The following LRP1B variants were observed in gnomAD, a reference collection of about 807,000 sequenced individuals.
The protein encoded by LRP1B is LDL receptor related protein 1B, also known as low-density lipoprotein receptor-related protein 1B.
LRP1B carries 217 observed loss-of-function variants against 556.6 expected under a neutral mutation model. That is an observed-to-expected ratio of 0.39 (90% CI 0.35 to 0.44). LRP1B has a LOEUF of 0.44. LRP1B is among the 20% of genes least tolerant of loss of function. The pLI, the probability that LRP1B is intolerant of heterozygous loss-of-function variation, is 1.00. For missense variants in LRP1B, 5,053 were observed against 5,620.8 expected (o/e 0.90, Z 3.23); for synonymous variants, 2,047 against 1,865.8 (o/e 1.10, Z -2.50).
chr2:141,687,582 T>C (rs771686945), intron 2 of LRP1B, among the ~76,000 whole-genome samples: 6 of 152,006 alleles, frequency 3.9e-5, no homozygotes, highest in Non-Finnish European at 7.4e-5. Context: ...AAAAGTTTTG[T>C]TTTGGTTTTT....
At chr2:141,897,800 C>A (rs1358209839) in intron 1 of LRP1B, among the ~76,000 whole-genome samples, 2 of 152,130 alleles carry the variant, frequency 1.3e-5, no homozygotes, top group African/African-American at 4.8e-5. Flanking sequence ...ATATTCAAAA[C>A]AAACCTGCAT....
chr2:142,013,689 A>G (rs903627266), intron 1 of LRP1B, among the ~76,000 whole-genome samples: 5 of 152,164 alleles, frequency 3.3e-5, no homozygotes, highest in African/African-American at 1.2e-4. Flanking sequence ...ACTATTTCAG[A>G]AATTATTTTT....
intron 1 of LRP1B, among the ~76,000 whole-genome samples, chr2:142,010,185 G>A (rs997141679): frequency 6.6e-6 from 1 of 151,866 alleles, no homozygotes; most frequent in African/African-American, 2.4e-5. Context: ...TACAGGCCAG[G>A]GATGCTACAA....
At chr2:141,235,779 C>T (rs899995879) in intron 5 of LRP1B, among the ~76,000 whole-genome samples, 1 of 152,028 alleles carries the variant, frequency 6.6e-6, no homozygotes, top group Non-Finnish European at 1.5e-5. Flanking sequence ...GCAGAACATC[C>T]CTTTGATTCG....
chr2:141,169,327 TAAATAAATAAAG>T (rs1348018055), intron 7 of LRP1B, among the ~76,000 whole-genome samples: 34 of 146,132 alleles, frequency 2.3e-4, no homozygotes, highest in African/African-American at 7.4e-4. Flanking sequence ...AATAAATAAA[TAAATAAATAAAG>T]AAGAGATGGG....
chr2:140,273,926 TTC>T (rs1417844905), intron 85 of LRP1B, among the ~76,000 whole-genome samples: 1 of 152,050 alleles, frequency 6.6e-6, no homozygotes, highest in African/African-American at 2.4e-5. Context: ...ACATTATTCC[TTC>T]TGTTTGCTTT....
chr2:141,940,973 TAG>T (rs1700781158), intron 1 of LRP1B, among the ~76,000 whole-genome samples: 1 of 152,212 alleles, frequency 6.6e-6, no homozygotes, highest in African/African-American at 2.4e-5. Flanking sequence ...ATTTCAATGT[TAG>T]AGTTACAAAT....
chr2:140,827,929 T>G (rs1412782502), intron 31 of LRP1B, among the ~76,000 whole-genome samples: 1 of 151,962 alleles, frequency 6.6e-6, no homozygotes, highest in South Asian at 2.1e-4. Context: ...GACTTCTCAA[T>G]GGAAACCATA....
chr2:140,915,092 A>C (rs1445509650), intron 21 of LRP1B, among the ~76,000 whole-genome samples: 1 of 152,196 alleles, frequency 6.6e-6, no homozygotes, highest in African/African-American at 2.4e-5. Context: ...AGCCATTTCC[A>C]TCAAGGGAAG....
chr2:140,872,360 A>ATTTATTT (rs1693164077), intron 25 of LRP1B, among the ~76,000 whole-genome samples: 1 of 60,496 alleles, frequency 1.7e-5, no homozygotes, highest in South Asian at 6.9e-4. Flanking sequence ...GTGTCACCTG[A>ATTTATTT]TTTTTTTTTT....
chr2:141,136,693 A>T (rs1701501755), intron 7 of LRP1B, among the ~76,000 whole-genome samples: 1 of 151,580 alleles, frequency 6.6e-6, no homozygotes, highest in South Asian at 2.1e-4. Context: ...TACCTATTAT[A>T]TTTGTAAGTA....
intron 11 of LRP1B, among the ~76,000 whole-genome samples, chr2:141,043,430 A>C (rs1044910659): frequency 2.2e-4 from 33 of 151,830 alleles, no homozygotes; most frequent in African/African-American, 7.7e-4. Context: ...TTCAACCCAC[A>C]TTATCCCTAT....
intron 1 of LRP1B, among the ~76,000 whole-genome samples, chr2:141,934,871 C>A (rs944731849): frequency 6.6e-6 from 1 of 152,140 alleles, no homozygotes; most frequent in African/African-American, 2.4e-5. Context: ...ATAAGTTACC[C>A]AGTCTTGGGT....
intron 3 of LRP1B, among the ~76,000 whole-genome samples, chr2:141,364,584 CATAGATTT>C (rs1688951773): frequency 6.6e-6 from 1 of 152,184 alleles, no homozygotes; most frequent in Non-Finnish European, 1.5e-5. Flanking sequence ...AGGCACATAA[CATAGATTT>C]ATACACATGC....
At chr2:141,896,783 T>G (rs2104925424) in intron 1 of LRP1B, among the ~76,000 whole-genome samples, 1 of 152,174 alleles carries the variant, frequency 6.6e-6, no homozygotes, top group East Asian at 1.9e-4. Context: ...GTTTTGAAAA[T>G]GCTGATTTAA....
Position 141,099,609 on chromosome 2 carries a change from A to G in LRP1B, c.1014-37336T>C, listed in dbSNP as rs181948796. Among the ~76,000 whole-genome samples, 13 of 152,336 alleles carry G rather than the reference A, an allele frequency of 8.5e-5. No homozygotes were observed. In the East Asian group the frequency reaches 2.1e-3, roughly 25 times the overall value. ...TGCACACATGTCTGCACACATAGAC[A>G]TCTACATGCACATATACACATTCAC... is the stretch of plus-strand genomic sequence containing the variant. On this transcript the variant is annotated intron_variant, in intron 7 of 90. Transcript: ENST00000389484.
At chr2:141,793,485 C>G (rs1055489983) in intron 2 of LRP1B, among the ~76,000 whole-genome samples, 1 of 151,732 alleles carries the variant, frequency 6.6e-6, no homozygotes, top group African/African-American at 2.4e-5. Flanking sequence ...GTGGCATAAG[C>G]CCAACACTTT....
At chr2:142,115,624 T>C (rs575407082) in intron 1 of LRP1B, among the ~76,000 whole-genome samples, 2 of 30,144 alleles carry the variant, frequency 6.6e-5, no homozygotes, top group Non-Finnish European at 6.2e-5. Flanking sequence ...ATATATGTAA[T>C]ATATATATTA....
At chr2:140,358,456 A>G (rs539653915) in intron 73 of LRP1B, among the ~76,000 whole-genome samples, 6 of 151,772 alleles carry the variant, frequency 4.0e-5, no homozygotes, top group African/African-American at 1.2e-4. Context: ...AGTCTTTTGC[A>G]TTAAAAACTT....
Sources: allele counts gnomAD v4.1 joint callset (sites outside exome capture counted in the v4.1 genomes callset), GRCh38; gene constraint gnomAD v4.1.1; transcripts MANE v1.5; gene names NCBI Gene and HGNC (gene_info 2026-07-23, HGNC 2026-07-21).